SHC4: variants seen among roughly 807,000 people sequenced by gnomAD.
The protein encoded by SHC4 is SHC adaptor protein 4, also known as SHC-transforming protein 4.
A neutral mutation model predicts 69.4 loss-of-function variants in SHC4; 41 were observed. That is an observed-to-expected ratio of 0.59 (90% confidence interval 0.46 to 0.77). The LOEUF is 0.77. Ranked by LOEUF, SHC4 falls within the 30% of genes least tolerant of loss-of-function variation. The probability of loss-of-function intolerance (pLI) is 0.00; values close to 1 mark genes in which losing one functional copy is unlikely to be tolerated. For synonymous variants in SHC4, 318 were observed against 299.3 expected, an observed-to-expected ratio of 1.06 and a Z score of -0.64; for missense variants, 777 against 783.8, an observed-to-expected ratio of 0.99 and a Z score of 0.10.
intron 2 of SHC4, among the ~76,000 whole-genome samples, chr15:48,892,144 C>T (rs1043363412): frequency 1.3e-5 from 2 of 152,128 alleles, no homozygotes; most frequent in African/African-American, 2.4e-5. Context: ...CGTGAGCCAC[C>T]GCGCCCGGCC....
At chr15:48,953,395 C>T (rs1901396243) in intron 1 of SHC4, among the ~76,000 whole-genome samples, 1 of 151,920 alleles carries the variant, frequency 6.6e-6, no homozygotes, top group African/African-American at 2.4e-5. Flanking sequence ...TAACATGTAC[C>T]CCTGAACTTA....
intron 6 of SHC4, 65 bp downstream of exon 6, chr15:48,867,753 G>T: frequency 2.3e-6 from 3 of 1,322,354 alleles, no homozygotes; most frequent in Non-Finnish European, 2.2e-6. Flanking sequence ...GAAAATAACT[G>T]TTGGTTACTT....
chr15:48,849,967 C>A (rs1899174683), intron 9 of SHC4, among the ~76,000 whole-genome samples: 1 of 152,180 alleles, frequency 6.6e-6, no homozygotes, highest in Non-Finnish European at 1.5e-5. Context: ...CTTTGGGAGG[C>A]CAAGGCAGGT....
At chr15:48,875,556 C>T (rs1194736976) in intron 4 of SHC4, among the ~76,000 whole-genome samples, 1 of 152,174 alleles carries the variant, frequency 6.6e-6, no homozygotes, top group Non-Finnish European at 1.5e-5. Flanking sequence ...GATAATGAGG[C>T]ACAATTGTTA....
Position 48,890,739 on chromosome 15 carries a change from A to C in SHC4, c.720+9T>G. The C allele has an allele frequency of 6.2e-7, 1 of 1,614,094 alleles. No individual in the cohort carries two copies. The highest frequency in any genetic ancestry group is 8.5e-7 in the Non-Finnish European group (1 of 1,179,972). On this transcript the variant is annotated intron_variant, in intron 3 of 11. Coordinates refer to ENST00000332408, the MANE Select transcript of SHC4 (RefSeq NM_203349.4). The stretch of plus-strand genomic sequence containing the variant: ...GAAACATAAACAAGAAAACCACATC[A>C]TCATTTACCTTTCGCTTTTTAATGG...
intron 2 of SHC4, among the ~76,000 whole-genome samples, chr15:48,920,637 C>A (rs1900735351): frequency 6.6e-6 from 1 of 152,056 alleles, no homozygotes; most frequent in Admixed American, 6.5e-5. Flanking sequence ...CCAATTAGTA[C>A]AAATAGACTG....
intron 2 of SHC4, among the ~76,000 whole-genome samples, chr15:48,898,995 A>G (rs991767469): frequency 6.6e-6 from 1 of 151,634 alleles, no homozygotes; most frequent in Non-Finnish European, 1.5e-5. Context: ...TTGGAGTTAA[A>G]GAGTGCACTG....
chr15:48,855,916 G>T (rs1899303409), intron 8 of SHC4, 37 bp downstream of exon 8: 1 of 1,575,012 alleles, frequency 6.3e-7, no homozygotes, highest in African/African-American at 1.4e-5. Flanking sequence ...GGGCAGAATT[G>T]CATTGCTGGT....
At chr15:48,961,785 G>A (rs1435700848) in intron 1 of SHC4, among the ~76,000 whole-genome samples, 1 of 152,238 alleles carries the variant, frequency 6.6e-6, no homozygotes, top group Non-Finnish European at 1.5e-5. Context: ...AGCAAGGACA[G>A]ATACAAGGCC....
At chr15:48,885,659 A>T (rs546056630) in intron 3 of SHC4, among the ~76,000 whole-genome samples, 1 of 152,328 alleles carries the variant, frequency 6.6e-6, no homozygotes, top group African/African-American at 2.4e-5. Context: ...TATTACTCTC[A>T]TTTGATTCAT....
At chr15:48,890,720 T>TA in intron 3 of SHC4, 28 bp downstream of exon 3, 3 of 1,612,998 alleles carry the variant, frequency 1.9e-6, no homozygotes, top group Non-Finnish European at 2.5e-6. Flanking sequence ...TAGGGAAACA[T>TA]AAACAAGAAA....
chr15:48,872,620 G>C (rs1287130447), intron 4 of SHC4, among the ~76,000 whole-genome samples: 2 of 152,162 alleles, frequency 1.3e-5, no homozygotes, highest in African/African-American at 4.8e-5. Context: ...GGTAACATTT[G>C]TTCCATCACT....
intron 6 of SHC4, among the ~76,000 whole-genome samples, chr15:48,863,409 C>A (rs1440470399): frequency 1.3e-5 from 2 of 152,010 alleles, no homozygotes; most frequent in African/African-American, 2.4e-5. Context: ...ACTTATTTTT[C>A]TACTATTAGC....
rs762690448 is a variant in SHC4 at position 48,963,057 on chromosome 15, C to G, written c.-42G>C. ...AAACAGGATACTGTTGCATAAATCG[C>G]CTCGTCGTCTGGTAGATAAACGGTG... On this transcript the variant is annotated 5_prime_UTR_variant, in exon 1 of 12. Transcript: ENST00000332408. The G allele has an allele frequency of 6.5e-7, 1 of 1,546,784 alleles. No individual in the cohort carries two copies. Among genetic ancestry groups the G allele is most frequent in the South Asian group, 1.2e-5 (1 of 81,016 alleles).
chr15:48,891,246 C>G (rs1900132890), intron 2 of SHC4, among the ~76,000 whole-genome samples: 1 of 149,124 alleles, frequency 6.7e-6, no homozygotes, highest in South Asian at 2.1e-4. Flanking sequence ...GCAAAAAGAA[C>G]CTGACACGAG....
At chr15:48,960,950 T>C (rs769498583) in intron 1 of SHC4, among the ~76,000 whole-genome samples, 11 of 152,050 alleles carry the variant, frequency 7.2e-5, no homozygotes, top group Non-Finnish European at 1.6e-4. Context: ...GGTAACAAAA[T>C]AATCAATCTA....
At chr15:48,884,810 G>C (rs995081605) in intron 3 of SHC4, among the ~76,000 whole-genome samples, 1 of 152,138 alleles carries the variant, frequency 6.6e-6, no homozygotes, top group African/African-American at 2.4e-5. Context: ...GGCCATCCCT[G>C]TTCCTCCCTC....
intron 11 of SHC4, among the ~76,000 whole-genome samples, chr15:48,826,847 T>C (rs1274267475): frequency 6.6e-6 from 1 of 152,224 alleles, no homozygotes; most frequent in South Asian, 2.1e-4. Context: ...TCAGCATTCC[T>C]GTCTTCTCCA....
intron 1 of SHC4, among the ~76,000 whole-genome samples, chr15:48,956,623 T>G (rs1901458030): frequency 6.6e-6 from 1 of 152,122 alleles, no homozygotes; most frequent in South Asian, 2.1e-4. Context: ...TCCCTGGAAT[T>G]CTACTCTTGG....
Sources: gnomAD v4.1 joint callset for allele counts (sites outside exome capture counted in the v4.1 genomes callset) on GRCh38, gnomAD v4.1.1 for gene constraint, MANE v1.5 for transcripts, NCBI Gene and HGNC (gene_info 2026-07-23, HGNC 2026-07-21) for gene names.